ST6GALNAC3: variants seen among roughly 807,000 people sequenced by gnomAD.
ST6GALNAC3 encodes the protein ST6 N-acetylgalactosaminide alpha-2,6-sialyltransferase 3.
Under a neutral mutation model 32.7 loss-of-function variants are expected in ST6GALNAC3, and 25 were observed. That is an observed-to-expected ratio of 0.76 (90% CI 0.56 to 1.07). The LOEUF (loss-of-function observed/expected upper bound fraction) is 1.07, where lower values mean the gene tolerates loss of function less well. ST6GALNAC3 is among the 50% of genes least tolerant of loss of function. ST6GALNAC3 has a pLI of 0.00. For missense variants in ST6GALNAC3, 355 were observed against 382.4 expected (o/e 0.93, Z 0.60); for synonymous variants, 129 against 133.1 (o/e 0.97, Z 0.21).
chr1:76,426,788 T>C (rs987628590), intron 3 of ST6GALNAC3, among the ~76,000 whole-genome samples: 6 of 151,946 alleles, frequency 3.9e-5, no homozygotes, highest in African/African-American at 1.4e-4. Context: ...TAATGCGTTG[T>C]ACTATGATGC....
intron 3 of ST6GALNAC3, among the ~76,000 whole-genome samples, chr1:76,438,240 C>T (rs1190396705): frequency 1.3e-5 from 2 of 151,962 alleles, no homozygotes; most frequent in African/African-American, 4.8e-5. Flanking sequence ...CAAGCTCCAC[C>T]TCCCGGGTTC....
intron 3 of ST6GALNAC3, among the ~76,000 whole-genome samples, chr1:76,601,724 C>A (rs1227492432): frequency 6.6e-6 from 1 of 152,142 alleles, no homozygotes; most frequent in Non-Finnish European, 1.5e-5. Flanking sequence ...TGAAGGAAAC[C>A]ATTTGGAATC....
intron 3 of ST6GALNAC3, among the ~76,000 whole-genome samples, chr1:76,457,110 C>A: frequency 6.6e-6 from 1 of 151,894 alleles, no homozygotes; most frequent in South Asian, 2.1e-4. Flanking sequence ...ACAATTGCTT[C>A]AAAGAGAATA....
chr1:76,150,247 C>G (rs1378162598), intron 1 of ST6GALNAC3, among the ~76,000 whole-genome samples: 3 of 152,164 alleles, frequency 2.0e-5, no homozygotes, highest in Admixed American at 6.5e-5. Context: ...GGTGGGCTGG[C>G]TTTTACGTTG....
chr1:76,315,241 A>G (rs569515296), intron 2 of ST6GALNAC3, among the ~76,000 whole-genome samples: 1 of 152,106 alleles, frequency 6.6e-6, no homozygotes, highest in South Asian at 2.1e-4. Context: ...CTTTGAGGAG[A>G]GTTTGTCTCA....
At chr1:76,596,018 C>T (rs1385852163) in intron 3 of ST6GALNAC3, among the ~76,000 whole-genome samples, 2 of 152,092 alleles carry the variant, frequency 1.3e-5, no homozygotes, top group Non-Finnish European at 2.9e-5. Context: ...GTCCCCTCAT[C>T]CCATCTTTTT....
rs988968369 is a variant in ST6GALNAC3, at chr1:76,602,799, A to G, written c.624-24653A>G. On this transcript the variant is annotated intron_variant, in intron 3 of 4. Transcript: ENST00000328299. ...AAAATGCAATGTTTCTGAGATAAAAAGCAAACACACAAGCCACAGTAGGAG... is the reference window on the plus strand; with the variant it reads ...AAAATGCAATGTTTCTGAGATAAAAGGCAAACACACAAGCCACAGTAGGAG... Among the ~76,000 whole-genome samples the G allele has an allele frequency of 8.5e-5, 13 of 152,204 alleles. No homozygotes were observed. The South Asian group carries it at 2.5e-3, about 29-fold the overall frequency.
chr1:76,289,726 G>A (rs769797084), intron 1 of ST6GALNAC3, among the ~76,000 whole-genome samples: 5 of 152,218 alleles, frequency 3.3e-5, no homozygotes, highest in Non-Finnish European at 7.3e-5. Context: ...TTGGAGGCCC[G>A]TAACCAATAG....
intron 1 of ST6GALNAC3, among the ~76,000 whole-genome samples, chr1:76,096,974 A>G (rs985499320): frequency 3.8e-4 from 57 of 149,474 alleles, no homozygotes; most frequent in African/African-American, 1.3e-3. Context: ...GCTGGAGCAC[A>G]GTGGCGTGAT....
intron 1 of ST6GALNAC3, among the ~76,000 whole-genome samples, chr1:76,087,050 T>G (rs1236464267): frequency 6.6e-6 from 1 of 152,258 alleles, no homozygotes; most frequent in Non-Finnish European, 1.5e-5. Flanking sequence ...TCTCCTACCC[T>G]GGTTTATGTT....
chr1:76,464,095 A>C (rs1336148579), intron 3 of ST6GALNAC3, among the ~76,000 whole-genome samples: 1 of 151,952 alleles, frequency 6.6e-6, no homozygotes, highest in African/African-American at 2.4e-5. Context: ...TGGTTTTGCT[A>C]TACCCTCACC....
At chr1:76,371,646 G>A (rs190690826) in intron 2 of ST6GALNAC3, among the ~76,000 whole-genome samples, 4 of 152,290 alleles carry the variant, frequency 2.6e-5, no homozygotes, top group South Asian at 2.1e-4. Context: ...AGATTCTCTC[G>A]TATCTGAACC....
intron 2 of ST6GALNAC3, among the ~76,000 whole-genome samples, chr1:76,399,105 T>G (rs12143753): frequency 0.57 from 87,245 of 151,842 alleles, 25,614 homozygotes; most frequent in East Asian, 0.78. Flanking sequence ...TGTTATGTAT[T>G]TTGTATATTA....
At chr1:76,262,786 T>C (rs530800764) in intron 1 of ST6GALNAC3, among the ~76,000 whole-genome samples, 1 of 152,186 alleles carries the variant, frequency 6.6e-6, no homozygotes. Flanking sequence ...TCAGGATGGA[T>C]CTGTCCCTGG....
Position 76,318,108 on chromosome 1 carries a change from A to G in ST6GALNAC3, c.213+4109A>G, listed in dbSNP as rs550177835. On this transcript the variant is annotated intron_variant, in intron 2 of 4. Coordinates refer to ENST00000328299, the MANE Select transcript of ST6GALNAC3 (RefSeq NM_152996.4). ...ATCTGTTCCCAGGGGAAATACAAAA[A>G]TTAAAATAAAAGGAACACAGGAGAG... Among the ~76,000 whole-genome samples, 124 of 150,372 alleles carry G rather than the reference A, an allele frequency of 8.2e-4. 1 individual carries two copies. The highest frequency in any genetic ancestry group is 7.6e-3 in the South Asian group (36 of 4,734).
intron 2 of ST6GALNAC3, among the ~76,000 whole-genome samples, chr1:76,404,175 A>C (rs1387894529): frequency 4.6e-5 from 7 of 152,128 alleles, no homozygotes; most frequent in African/African-American, 1.7e-4. Flanking sequence ...TAAATGCCAC[A>C]TCCCAAATCC....
intron 3 of ST6GALNAC3, among the ~76,000 whole-genome samples, chr1:76,534,574 A>G (rs1390422343): frequency 6.6e-6 from 1 of 152,032 alleles, no homozygotes; most frequent in African/African-American, 2.4e-5. Flanking sequence ...CTCTCATGTA[A>G]TTCCTTTGAG....
At chr1:76,378,668 C>CA (rs60471587) in intron 2 of ST6GALNAC3, among the ~76,000 whole-genome samples, 27,994 of 147,866 alleles carry the variant, frequency 0.19, 3,175 homozygotes, top group Admixed American at 0.3. Context: ...TTCCCCCCCC[C>CA]AAAAAAAAAA....
At chr1:76,429,415 A>C (rs1481736037) in intron 3 of ST6GALNAC3, among the ~76,000 whole-genome samples, 1 of 152,174 alleles carries the variant, frequency 6.6e-6, no homozygotes, top group Non-Finnish European at 1.5e-5. Context: ...GCTAGTATTT[A>C]CTATTATTAG....
Sources: gnomAD v4.1 joint callset for allele counts (sites outside exome capture counted in the v4.1 genomes callset) on GRCh38, gnomAD v4.1.1 for gene constraint, MANE v1.5 for transcripts, NCBI Gene and HGNC (gene_info 2026-07-23, HGNC 2026-07-21) for gene names.